The following ERN1 variants were observed in gnomAD, a reference collection of about 807,000 sequenced individuals.
ERN1 encodes the protein serine/threonine-protein kinase/endoribonuclease IRE1.
Under a neutral mutation model 113.1 loss-of-function variants are expected in ERN1, and 39 were observed. The ratio of observed to expected loss-of-function variants is 0.34; its 90% CI spans 0.27 to 0.45. ERN1 has a LOEUF of 0.45. Among genes scored for constraint, ERN1 ranks in the 20% least tolerant of loss-of-function variants. The probability of loss-of-function intolerance (pLI) is 1.00; values close to 1 mark genes in which losing one functional copy is unlikely to be tolerated. For synonymous variants in ERN1, 507 were observed against 515.9 expected (o/e 0.98, Z 0.23); for missense variants, 976 against 1,274.8 (o/e 0.77, Z 3.57).
chr17:64,111,703 C>G (rs1352455250), intron 1 of ERN1, among the ~76,000 whole-genome samples: 2 of 152,228 alleles, frequency 1.3e-5, no homozygotes, highest in African/African-American at 4.8e-5. Flanking sequence ...CAGAAGTGGA[C>G]CTGGGCATCT....
chr17:64,075,007 C>T lies in ERN1; in HGVS notation c.355+168G>A, dbSNP rs115124425. The T allele has an allele frequency of 5.1e-4, 309 of 604,224 alleles. No homozygotes were observed. In the African/African-American group the frequency reaches 5.6e-3, roughly 11 times the overall value. 37.4% of individuals were successfully genotyped at this position (604,224 alleles called of 1,614,324 possible). On this transcript the variant is annotated intron_variant, in intron 5 of 21. Coordinates refer to ENST00000433197, the MANE Select transcript of ERN1 (RefSeq NM_001433.5). ...ATTCTTCTCCCAAGTTGGGGGAGCC[C>T]TTTCTTAATTGGTCAGCTGATCCTG...
intron 7 of ERN1, 198 bp from the exon 8 acceptor site, chr17:64,067,130 T>G: frequency 1.6e-6 from 1 of 621,640 alleles, no homozygotes; most frequent in East Asian, 2.8e-5. Flanking sequence ...GAGAGCTGGC[T>G]GGCGTATAAA....
intron 1 of ERN1, among the ~76,000 whole-genome samples, chr17:64,107,993 T>G (rs1311693136): frequency 6.6e-6 from 1 of 152,148 alleles, no homozygotes; most frequent in Non-Finnish European, 1.5e-5. Flanking sequence ...AACCATGACA[T>G]TTGCTTTGGA....
rs62070931 is a variant in ERN1 at position 64,060,919 on chromosome 17, T to C, written c.1088-332A>G. 6.1e-3 allele frequency among the ~76,000 whole-genome samples: 923 copies of C among 152,302 alleles called. 3 individuals are homozygous for C. Among genetic ancestry groups the C allele is most frequent in the Non-Finnish European group, 8.8e-3 (601 of 68,010 alleles). On this transcript the variant is annotated intron_variant, in intron 10 of 21. Transcript: ENST00000433197. Reference sequence around the variant, plus strand: ...ATCCACAGGTGAAGTATGATGAGGCTTCATTAAAAGTTCAAGGAGTTCTCC... The same window carrying C: ...ATCCACAGGTGAAGTATGATGAGGCCTCATTAAAAGTTCAAGGAGTTCTCC...
chr17:64,045,027 G>C (rs917204870), intron 20 of ERN1, 100 bp from the exon 21 acceptor site: 21 of 890,042 alleles, frequency 2.4e-5, no homozygotes, highest in Non-Finnish European at 3.8e-5. Flanking sequence ...GAGTTGGACT[G>C]AAAGGTGAGG....
intron 5 of ERN1, among the ~76,000 whole-genome samples, chr17:64,074,536 G>C (rs1056600005): frequency 6.6e-6 from 1 of 152,196 alleles, no homozygotes; most frequent in Non-Finnish European, 1.5e-5. Flanking sequence ...AAAGCTCCTC[G>C]AGGCATGAAT....
In ERN1 at chr17:64,042,045, G is replaced by A. The variant is rs1257782943; in HGVS notation, c.*1943C>T. On this transcript the variant is annotated 3_prime_UTR_variant, in exon 22 of 22. Coordinates refer to ENST00000433197, the MANE Select transcript of ERN1 (RefSeq NM_001433.5). ...GAGCTGGGCTGGGGGCACTCCCTGT[G>A]GCAGGCCTGTTAAATCACTCGTGGC... The A allele has an allele frequency of 1.3e-5, 2 of 152,314 alleles. No homozygotes were observed. The highest frequency in any genetic ancestry group is 4.8e-5 in the African/African-American group (2 of 41,452). 9.4% of individuals were successfully genotyped at this position (152,314 alleles called of 1,614,324 possible).
intron 1 of ERN1, among the ~76,000 whole-genome samples, chr17:64,108,902 C>A (rs1453836932): frequency 6.6e-6 from 1 of 152,148 alleles, no homozygotes; most frequent in African/African-American, 2.4e-5. Flanking sequence ...GCAGGTGGAT[C>A]ACCTGAGGTC....
chr17:64,095,698 C>T (rs1179012614), intron 2 of ERN1, among the ~76,000 whole-genome samples: 5 of 152,198 alleles, frequency 3.3e-5, no homozygotes, highest in African/African-American at 1.2e-4. Flanking sequence ...TCCCAATTTC[C>T]TGTTCAGTCA....
chr17:64,059,161 G>C (rs1476266881), intron 11 of ERN1, among the ~76,000 whole-genome samples: 1 of 152,088 alleles, frequency 6.6e-6, no homozygotes, highest in Non-Finnish European at 1.5e-5. Context: ...TAAGATTATA[G>C]GACAATGCTG....
chr17:64,107,407 G>C (rs573960638), intron 1 of ERN1, among the ~76,000 whole-genome samples: 14 of 152,022 alleles, frequency 9.2e-5, no homozygotes, highest in Admixed American at 2.6e-4. Context: ...CTGCAGCCTC[G>C]ACCTCCTGGG....
intron 19 of ERN1, among the ~76,000 whole-genome samples, chr17:64,047,020 G>A (rs1273515966): frequency 2.0e-5 from 3 of 152,222 alleles, no homozygotes; most frequent in Non-Finnish European, 4.4e-5. Context: ...CCAAGACTGT[G>A]TAAAAGATGA....
At chr17:64,056,036 G>A in intron 12 of ERN1, 88 bp from the exon 13 acceptor site, 1 of 1,457,272 alleles carries the variant, frequency 6.9e-7, no homozygotes, top group Middle Eastern at 2.5e-4. Flanking sequence ...AGTGGCGGAG[G>A]GAGCATGTGT....
chr17:64,118,326 G>C (rs750676765), intron 1 of ERN1, among the ~76,000 whole-genome samples: 6 of 152,074 alleles, frequency 3.9e-5, no homozygotes, highest in Non-Finnish European at 5.9e-5. Flanking sequence ...TCATCATATG[G>C]GGCAAACACA....
rs374860149 is a variant in ERN1 at position 64,049,170 on chromosome 17, G to A, written c.2286C>T (p.Cys762=). 8.7e-6 allele frequency: 14 copies of A among 1,603,030 alleles called. No homozygotes were observed. In the African/African-American group the frequency reaches 1.2e-4, roughly 14 times the overall value. The part of the protein sequence containing the change: ...TYTVDIFSAG[C]VFYYVISEGS... ...CCTCAGAGATTACGTAGTAAAAGAC[G>A]CAGCCTGCAGAAAAGATGTCCACCG... Residue 762 remains cysteine, a synonymous_variant, in exon 18 of 22, where the codon TGC becomes TGT. Transcript: ENST00000433197. The surrounding 1 kb of genome is among the most constrained non-coding windows in gnomAD (Gnocchi z 4.7).
chr17:64,049,515 G>A lies in ERN1; in HGVS notation c.2254-313C>T, dbSNP rs1912616983. 3.3e-5 allele frequency among the ~76,000 whole-genome samples: 5 copies of A among 152,298 alleles called. No individual in the cohort carries two copies. The South Asian group carries it at 1.0e-3, about 32-fold the overall frequency. On this transcript the variant is annotated intron_variant, in intron 17 of 21. Coordinates refer to ENST00000433197, the MANE Select transcript of ERN1 (RefSeq NM_001433.5). The surrounding 1 kb of genome is among the most constrained non-coding windows in gnomAD (Gnocchi z 4.7). The stretch of plus-strand genomic sequence containing the variant: ...TTAATATGCAAAAATGGTTGCTTAC[G>A]ACAGTGCTTGGCCCATCAAAAGCCC...
rs999520321 is a variant in ERN1 at position 64,042,264 on chromosome 17, A to C, written c.*1724T>G. 2.0e-5 allele frequency: 3 copies of C among 152,252 alleles called. No homozygotes were observed. Among genetic ancestry groups the C allele is most frequent in the African/African-American group, 7.2e-5 (3 of 41,464 alleles). The allele number at this position is 152,252 out of a possible 1,614,324, so 9.4% of individuals were successfully genotyped here. A position where few individuals can be genotyped will look rare whatever the true frequency, so the allele number is the denominator to read the frequency against. ...ACGCCAAGGACACCGACCAAGGGCC[A>C]AGGTTCCAAGGCCTAAGTGAGGTAA... On this transcript the variant is annotated 3_prime_UTR_variant, in exon 22 of 22. Coordinates refer to ENST00000433197, the MANE Select transcript of ERN1 (RefSeq NM_001433.5).
rs185458526 is a variant in ERN1 at position 64,098,913 on chromosome 17, C to T, written c.55-672G>A. 2.6e-5 allele frequency among the ~76,000 whole-genome samples: 4 copies of T among 152,198 alleles called. No homozygotes were observed. The East Asian group carries it at 7.7e-4, about 29-fold the overall frequency. Reference sequence around the variant, plus strand: ...AAATAACCAAAGGCTGTGACATTTCCCATCCATTGCTAGTAGCACTGAAAA... The same window carrying T: ...AAATAACCAAAGGCTGTGACATTTCTCATCCATTGCTAGTAGCACTGAAAA... On this transcript the variant is annotated intron_variant, in intron 1 of 21. Transcript: ENST00000433197.
At chr17:64,077,922 T>G (rs1567872283) in intron 4 of ERN1, among the ~76,000 whole-genome samples, 2 of 152,100 alleles carry the variant, frequency 1.3e-5, no homozygotes, top group South Asian at 4.1e-4. Flanking sequence ...ATTTTTTGTA[T>G]TTTTAGTAGA....
Sources: gnomAD v4.1 joint callset for allele counts (sites outside exome capture counted in the v4.1 genomes callset) on GRCh38, gnomAD v4.1.1 for gene constraint, Gnocchi (gnomAD v3.1) non-coding constraint, MANE v1.5 for transcripts, NCBI Gene and HGNC (gene_info 2026-07-23, HGNC 2026-07-21) for gene names.